Variants in CPT1A observed in about 807,000 individuals in gnomAD.
The protein encoded by CPT1A is carnitine palmitoyltransferase 1A, also known as carnitine O-palmitoyltransferase 1, liver isoform.
CPT1A carries 64 observed loss-of-function variants against 100.8 expected under a neutral mutation model. The ratio of observed to expected loss-of-function variants is 0.63; its 90% CI spans 0.52 to 0.78. The LOEUF is 0.78. CPT1A is among the 30% of genes least tolerant of loss of function. CPT1A has a pLI of 0.00. For missense variants in CPT1A, 802 were observed against 1,034.1 expected, an observed-to-expected ratio of 0.78 and a Z score of 3.08; for synonymous variants, 363 against 396.0, an observed-to-expected ratio of 0.92 and a Z score of 0.99.
In CPT1A at chr11:68,757,175, T is replaced by G. The variant is rs188884544; in HGVS notation, c.*469A>C. 18 of 429,502 alleles carry G rather than the reference T, an allele frequency of 4.2e-5. No homozygotes were observed. The highest frequency in any genetic ancestry group is 3.6e-4 in the African/African-American group (17 of 47,288). The allele number at this position is 429,502 out of a possible 1,614,324, so 26.6% of individuals were successfully genotyped here. A position where few individuals can be genotyped will look rare whatever the true frequency, so the allele number is the denominator to read the frequency against. ...AGCATTTTGGTTAGTGCATTCCAGA[T>G]GTGTTAGCTACAACTGGGGACACCA... On this transcript the variant is annotated 3_prime_UTR_variant, in exon 19 of 19. Transcript: ENST00000265641.
chr11:68,792,829 A>G (rs1486274950), intron 9 of CPT1A, among the ~76,000 whole-genome samples: 2 of 152,196 alleles, frequency 1.3e-5, no homozygotes, highest in Non-Finnish European at 2.9e-5. Context: ...CGGGCGGATC[A>G]CTTGAGTCCA....
intron 18 of CPT1A, among the ~76,000 whole-genome samples, chr11:68,758,113 C>A (rs1157387099): frequency 6.6e-6 from 1 of 152,034 alleles, no homozygotes; most frequent in Non-Finnish European, 1.5e-5. Context: ...ACAAAAAATA[C>A]AAAAATCAGC....
chr11:68,754,792 T>C (rs781681183), downstream of CPT1A: 1 of 780,990 alleles, frequency 1.3e-6, no homozygotes, highest in Admixed American at 1.7e-5. Flanking sequence ...CTTGTTTCCA[T>C]ATGCTGAGAC....
At chr11:68,777,151 C>T (rs570150035) in intron 12 of CPT1A, among the ~76,000 whole-genome samples, 1 of 152,100 alleles carries the variant, frequency 6.6e-6, no homozygotes, top group Non-Finnish European at 1.5e-5. Context: ...AGAGCAAGAC[C>T]GGGTGTGGTG....
chr11:68,799,467 G>C (rs1855844613), intron 5 of CPT1A, 112 bp from the exon 6 acceptor site: 1 of 1,212,354 alleles, frequency 8.2e-7, no homozygotes, highest in Non-Finnish European at 1.2e-6. Context: ...AAAGGTTTTA[G>C]GCTGGGCATG....
intron 13 of CPT1A, among the ~76,000 whole-genome samples, chr11:68,774,200 C>T (rs746720607): frequency 1.3e-5 from 2 of 152,098 alleles, no homozygotes; most frequent in Non-Finnish European, 2.9e-5. Context: ...TAAACTTTCC[C>T]GCTTTTAAAC....
In CPT1A at chr11:68,824,012, C is replaced by T. The variant is rs187602630; in HGVS notation, c.-13-8525G>A. Among the ~76,000 whole-genome samples, 392 of 151,648 alleles carry T rather than the reference C, an allele frequency of 2.6e-3. 1 individual carries two copies. The highest frequency in any genetic ancestry group is 8.4e-3 in the African/African-American group (345 of 41,294). On this transcript the variant is annotated intron_variant, in intron 1 of 18. Transcript: ENST00000265641. ...CTGTAATCCCAGCACTTTGGGAGGC[C>T]GAGGTGGGCAGATCACCTGAGGTCA...
intron 12 of CPT1A, 145 bp from the exon 13 acceptor site, chr11:68,775,577 A>G: frequency 1.5e-6 from 1 of 676,218 alleles, no homozygotes; most frequent in Non-Finnish European, 2.7e-6. Flanking sequence ...CTCAGCACCT[A>G]ATGAGGTGGA....
chr11:68,828,025 A>G (rs1398539845), intron 1 of CPT1A, among the ~76,000 whole-genome samples: 1 of 152,162 alleles, frequency 6.6e-6, no homozygotes, highest in Non-Finnish European at 1.5e-5. Flanking sequence ...TCCATGTTGC[A>G]GCATCGTATT....
chr11:68,801,804 G>A (rs1855909385), intron 5 of CPT1A, among the ~76,000 whole-genome samples: 1 of 151,758 alleles, frequency 6.6e-6, no homozygotes, highest in Non-Finnish European at 1.5e-5. Flanking sequence ...TGGTTAGAAT[G>A]CAAAATGGTG....
At chr11:68,826,122 G>A (rs558611590) in intron 1 of CPT1A, among the ~76,000 whole-genome samples, 3 of 152,296 alleles carry the variant, frequency 2.0e-5, no homozygotes, top group South Asian at 2.1e-4. Context: ...TGGTCAGCAC[G>A]TTTCCTGCCT....
At chr11:68,808,615 C>T (rs555438982) in intron 3 of CPT1A, among the ~76,000 whole-genome samples, 46 of 151,894 alleles carry the variant, frequency 3.0e-4, no homozygotes, top group African/African-American at 7.0e-4. Flanking sequence ...GTGATCCACC[C>T]GCCTCGGCCT....
At position 68,784,965 on chromosome 11, in the gene CPT1A, T is replaced by C; in HGVS notation, c.1013A>G (p.His338Arg). Residue 338 changes from histidine (H) to arginine (R), a missense_variant, in exon 10 of 19, where the codon CAT (histidine) becomes CGT (arginine). Physicochemically the swap from His to Arg is conservative, Grantham distance 29. Transcript: ENST00000265641. ...MRDSKHIVVY[H>R]RGRYFKVWLY... is the part of the protein sequence containing the mutation. ...CCAGACCTTGAAGTAGCGTCCTCGA[T>C]GGTACACGACGATGTGCTTGCTGTC... The C allele has an allele frequency of 6.2e-7, 1 of 1,614,026 alleles. No individual in the cohort carries two copies. The highest frequency in any genetic ancestry group is 1.3e-5 in the African/African-American group (1 of 75,024).
At chr11:68,774,128 G>A (rs1213889697) in intron 13 of CPT1A, among the ~76,000 whole-genome samples, 1 of 152,218 alleles carries the variant, frequency 6.6e-6, no homozygotes, top group Non-Finnish European at 1.5e-5. Flanking sequence ...AATCTCCCAA[G>A]TTGGCCGCTT....
intron 12 of CPT1A, 47 bp from the exon 13 acceptor site, chr11:68,775,479 A>G: frequency 7.3e-7 from 1 of 1,378,690 alleles, no homozygotes; most frequent in South Asian, 1.2e-5. Flanking sequence ...TGGTACATAA[A>G]ACACATTAAC....
At chr11:68,807,106 G>A (rs921846697) in intron 4 of CPT1A, among the ~76,000 whole-genome samples, 2 of 152,150 alleles carry the variant, frequency 1.3e-5, no homozygotes, top group African/African-American at 4.8e-5. Context: ...TGAGTCACGG[G>A]AGCCTGTCTG....
chr11:68,763,309 C>G (rs1028135393), intron 14 of CPT1A, among the ~76,000 whole-genome samples: 1 of 151,614 alleles, frequency 6.6e-6, no homozygotes, highest in Admixed American at 6.6e-5. Context: ...CTATGACACC[C>G]CCCCCACCCC....
rs367593871 is a variant in CPT1A, at chr11:68,767,280, G to T, written c.1741-4519C>A. On this transcript the variant is annotated intron_variant, in intron 14 of 18. Coordinates refer to ENST00000265641, the MANE Select transcript of CPT1A (RefSeq NM_001876.4). Reference sequence around the variant, plus strand: ...ACCTGACTTTCACAAACTGTTTTATGACTAAATATTTTTCCGTATAATATG... The same window carrying T: ...ACCTGACTTTCACAAACTGTTTTATTACTAAATATTTTTCCGTATAATATG... 9.8e-4 allele frequency among the ~76,000 whole-genome samples: 150 copies of T among 152,330 alleles called. 4 individuals carry two copies. In the South Asian group the frequency reaches 0.029, roughly 29 times the overall value.
Position 68,757,245 on chromosome 11 carries a change from T to C in CPT1A, c.*399A>G. 9.7e-7 allele frequency: 1 copy of C among 1,034,978 alleles called. No homozygotes were observed. The highest frequency in any genetic ancestry group is 1.2e-6 in the Non-Finnish European group (1 of 844,742). 64.1% of individuals were successfully genotyped at this position (1,034,978 alleles called of 1,614,324 possible). Reference sequence around the variant, plus strand: ...CTTTTAACAAAACAAAAGTTTACCCTGCTTGGATGATGCTAAATGCCCTTA... The same window carrying C: ...CTTTTAACAAAACAAAAGTTTACCCCGCTTGGATGATGCTAAATGCCCTTA... On this transcript the variant is annotated 3_prime_UTR_variant, in exon 19 of 19. Coordinates refer to ENST00000265641, the MANE Select transcript of CPT1A (RefSeq NM_001876.4).
Sources: gnomAD v4.1 joint callset for allele counts (sites outside exome capture counted in the v4.1 genomes callset) on GRCh38, gnomAD v4.1.1 for gene constraint, MANE v1.5 for transcripts, NCBI Gene and HGNC (gene_info 2026-07-23, HGNC 2026-07-21) for gene names.